The following RAD17 variants were observed in gnomAD, a reference collection of about 807,000 sequenced individuals.
RAD17 encodes cell cycle checkpoint protein RAD17.
In RAD17, 31 loss-of-function variants were observed where a neutral mutation model predicts 81.5. That is an observed-to-expected ratio of 0.38 (90% CI 0.29 to 0.51). The LOEUF is 0.51. RAD17 is among the 20% of genes least tolerant of loss of function. RAD17 has a pLI of 0.88. For missense variants in RAD17, 681 were observed against 781.2 expected (o/e 0.87, Z 1.53); for synonymous variants, 261 against 266.2 (o/e 0.98, Z 0.19).
At chr5:69,391,689 T>A in intron 12 of RAD17, 142 bp from the exon 13 acceptor site, 1 of 602,144 alleles carries the variant, frequency 1.7e-6, no homozygotes, top group South Asian at 4.5e-5. Context: ...GGATTCCAAC[T>A]CAGTTAATGT....
chr5:69,377,439 G>GTGTA (rs1206601262), intron 6 of RAD17, among the ~76,000 whole-genome samples: 5 of 55,484 alleles, frequency 9.0e-5, no homozygotes, highest in African/African-American at 3.9e-4. Flanking sequence ...GTGTGTGTGT[G>GTGTA]TATATATATA....
intron 17 of RAD17, among the ~76,000 whole-genome samples, chr5:69,406,667 T>G (rs1176454935): frequency 6.6e-6 from 1 of 151,906 alleles, no homozygotes; most frequent in Non-Finnish European, 1.5e-5. Flanking sequence ...CACACTTGGC[T>G]AATTTTTGTA....
chr5:69,386,293 T>C lies in RAD17; in HGVS notation c.812T>C (p.Ile271Thr), dbSNP rs1161149442. 6.2e-7 allele frequency: 1 copy of C among 1,600,260 alleles called. No homozygotes were observed. Among genetic ancestry groups the C allele is most frequent in the African/African-American group, 1.3e-5 (1 of 74,484 alleles). The change falls in exon 10 of 19, where the codon ATC (isoleucine) becomes ACC (threonine). Residue 271 changes from isoleucine (I) to threonine (T), a missense_variant. Ile to Thr is a moderately conservative substitution (Grantham distance 89). Coordinates refer to ENST00000354868, the MANE Select transcript of RAD17 (RefSeq NM_133338.3). ...AAAGAAATTCAGGAAGAGTGTTCTA[T>C]CTCAAATATTAGGTAAGAAAGAAAT... The part of the protein sequence containing the change: ...FPKEIQEECS[I>T]SNISFNPVAP...
chr5:69,385,620 T>A (rs1299333424), intron 8 of RAD17, among the ~76,000 whole-genome samples: 1 of 152,188 alleles, frequency 6.6e-6, no homozygotes, highest in East Asian at 1.9e-4. Flanking sequence ...GTGAGATATA[T>A]CTTACATGAT....
intron 6 of RAD17, 29 bp downstream of exon 6, chr5:69,374,740 T>C: frequency 3.3e-6 from 5 of 1,493,572 alleles, no homozygotes; most frequent in Non-Finnish European, 4.6e-6. Flanking sequence ...TTTAAATATT[T>C]AACATCAAAT....
upstream of RAD17, chr5:69,369,435 C>T: frequency 6.2e-7 from 1 of 1,608,838 alleles, no homozygotes; most frequent in Non-Finnish European, 8.5e-7. Context: ...CTGCCCCAGC[C>T]CAGTCCCTCC....
intron 11 of RAD17, among the ~76,000 whole-genome samples, chr5:69,387,757 T>C (rs1171154822): frequency 1.3e-5 from 2 of 152,022 alleles, no homozygotes; most frequent in Admixed American, 1.3e-4. Flanking sequence ...CTCAGGAAGC[T>C]GAGGCAGGAG....
At chr5:69,371,915 A>G (rs1763032742) in intron 3 of RAD17, 119 bp from the exon 4 acceptor site, 1 of 456,174 alleles carries the variant, frequency 2.2e-6, no homozygotes, top group Non-Finnish European at 3.6e-6. Flanking sequence ...TTAAGGTGGG[A>G]TGGGGGTCAG....
At chr5:69,410,965 C>CTGTATATATATATATATA (rs35777347) in intron 18 of RAD17, among the ~76,000 whole-genome samples, 1 of 90,264 alleles carries the variant, frequency 1.1e-5, no homozygotes, top group African/African-American at 4.9e-5. Context: ...AGATGTCTGT[C>CTGTATATATATATATATA]TATATATATA....
At chr5:69,383,278 C>CA (rs1253567239) in intron 7 of RAD17, among the ~76,000 whole-genome samples, 2 of 152,056 alleles carry the variant, frequency 1.3e-5, no homozygotes, top group African/African-American at 4.8e-5. Flanking sequence ...GAGTGTTCCT[C>CA]AAAATCCCTT....
At chr5:69,397,472 C>G (rs1427761892) in intron 16 of RAD17, among the ~76,000 whole-genome samples, 1 of 151,090 alleles carries the variant, frequency 6.6e-6, no homozygotes, top group Non-Finnish European at 1.5e-5. Flanking sequence ...CAATTAAAAA[C>G]AAACTTTAGG....
At position 69,414,353 on chromosome 5, in the gene RAD17, C is replaced by G; in HGVS notation, c.*61C>G. ...TTCATTTTTGTTTCATTCAGTGGTA[C>G]TTCAGCAGAGTTAATATGCTTTTCT... On this transcript the variant is annotated 3_prime_UTR_variant, in exon 19 of 19. Transcript: ENST00000354868. The G allele has an allele frequency of 6.5e-7, 1 of 1,527,042 alleles. No individual in the cohort carries two copies. Among genetic ancestry groups the G allele is most frequent in the Middle Eastern group, 1.8e-4 (1 of 5,526 alleles). The allele number at this position is 1,527,042 out of a possible 1,614,324, so 94.6% of individuals were successfully genotyped here.
intron 4 of RAD17, among the ~76,000 whole-genome samples, chr5:69,372,672 G>GGT (rs1763079894): frequency 6.6e-6 from 1 of 151,794 alleles, no homozygotes; most frequent in African/African-American, 2.4e-5. Context: ...AGTGCAGTGG[G>GGT]GTGATCATGG....
At position 69,384,853 on chromosome 5, in the gene RAD17, C is replaced by T. The variant is rs1396927862; in HGVS notation, c.565C>T (p.Leu189=). 1 of 1,611,976 alleles carries T rather than the reference C, an allele frequency of 6.2e-7. No individual in the cohort carries two copies. Among genetic ancestry groups the T allele is most frequent in the South Asian group, 1.1e-5 (1 of 90,996 alleles). The change falls in exon 8 of 19, where the codon CTA becomes TTA. Residue 189 remains leucine, a synonymous_variant. Transcript: ENST00000354868. ...TCAGATAGCAGTTTTCAAAGAGTTT[C>T]TACTAAGAGCGACAAAGTATAACAA... The part of the protein sequence containing the change: ...QSQIAVFKEF[L]LRATKYNKLQ...
intron 18 of RAD17, among the ~76,000 whole-genome samples, chr5:69,411,391 A>G (rs1765990060): frequency 6.6e-6 from 1 of 152,124 alleles, no homozygotes; most frequent in Admixed American, 6.5e-5. Flanking sequence ...AGCCTGGGCA[A>G]CAAAAGCAAA....
At chr5:69,377,439 G>GTATATATATATATATATATGTATA (rs1763416389) in intron 6 of RAD17, among the ~76,000 whole-genome samples, 1 of 55,486 alleles carries the variant, frequency 1.8e-5, no homozygotes, top group South Asian at 7.5e-4. Context: ...GTGTGTGTGT[G>GTATATATATATATATATATGTATA]TATATATATA....
upstream of RAD17, chr5:69,369,702 A>G (rs765805325): frequency 8.3e-5 from 129 of 1,552,296 alleles, no homozygotes; most frequent in Admixed American, 6.1e-4. Flanking sequence ...GAGGGTGGGC[A>G]TAACTCGGGT....
chr5:69,376,678 T>C (rs1032226952), intron 6 of RAD17, among the ~76,000 whole-genome samples: 1 of 152,220 alleles, frequency 6.6e-6, no homozygotes, highest in Non-Finnish European at 1.5e-5. Flanking sequence ...GTCCATTGTT[T>C]ACATTAGGTC....
intron 17 of RAD17, among the ~76,000 whole-genome samples, chr5:69,404,534 G>T (rs769144055): frequency 2.0e-5 from 3 of 151,996 alleles, no homozygotes; most frequent in African/African-American, 7.3e-5. Context: ...TTGGTTGGCC[G>T]AGGTGGGTGG....
Sources: gnomAD v4.1 joint callset for allele counts (sites outside exome capture counted in the v4.1 genomes callset) on GRCh38, gnomAD v4.1.1 for gene constraint, MANE v1.5 for transcripts, NCBI Gene and HGNC (gene_info 2026-07-23, HGNC 2026-07-21) for gene names.